ZNF7: variants seen among roughly 807,000 people sequenced by gnomAD.
ZNF7 encodes zinc finger protein 7.
Under a neutral mutation model 12.0 loss-of-function variants are expected in ZNF7, and 10 were observed. The ratio of observed to expected loss-of-function variants is 0.83; its 90% CI spans 0.51 to 1.42. The LOEUF is 1.42. Ranked by LOEUF, ZNF7 falls within the 40% of genes most tolerant of loss-of-function variation. ZNF7 has a pLI of 0.00. For missense variants in ZNF7, 854 were observed against 837.2 expected (o/e 1.02, Z -0.25); for synonymous variants, 334 against 295.0 (o/e 1.13, Z -1.35).
At chr8:144,827,709 T>C (rs1586779962) in intron 1 of ZNF7, 100 bp downstream of exon 1, 2 of 978,724 alleles carry the variant, frequency 2.0e-6, no homozygotes, top group East Asian at 2.3e-4. Flanking sequence ...GGTCCCCGCG[T>C]CCCCCGGGCC....
rs767842674 is a variant in ZNF7 at position 144,841,440 on chromosome 8, C to T, written c.333C>T (p.Ile111=). 8.7e-6 allele frequency: 14 copies of T among 1,614,234 alleles called. No individual in the cohort carries two copies. In the Admixed American group the frequency reaches 2.3e-4, roughly 27 times the overall value. ...AATCCTATGGGACAGTGGTCAGAATCTCCCCACAGGACTTTCCTCAGAATC... is the reference window on the plus strand; with the variant it reads ...AATCCTATGGGACAGTGGTCAGAATTTCCCCACAGGACTTTCCTCAGAATC... ...KSESYGTVVR[I]SPQDFPQNPG... The change falls in exon 5 of 5, where the codon ATC becomes ATT. Residue 111 remains isoleucine, a synonymous_variant. Transcript: ENST00000532777.
At chr8:144,831,074 G>A (rs909453475) in intron 3 of ZNF7, 11 of 455,410 alleles carry the variant, frequency 2.4e-5, no homozygotes, top group African/African-American at 2.2e-4. Context: ...CTTGGTGCTT[G>A]AGCTTTCTTG....
intron 3 of ZNF7, chr8:144,833,703 G>T (rs1828698333): frequency 6.6e-6 from 1 of 151,796 alleles, no homozygotes; most frequent in Non-Finnish European, 1.5e-5. Context: ...TTTATTTTGG[G>T]GTGGTTTTTG....
intron 2 of ZNF7, 45 bp downstream of exon 2, chr8:144,829,135 G>A: frequency 6.2e-7 from 1 of 1,612,694 alleles, no homozygotes. Flanking sequence ...TCCTGTGAAG[G>A]CCCACCTCCT....
Position 144,842,570 on chromosome 8 carries a change from A to T in ZNF7, c.1463A>T (p.Gln488Leu). ...CAGGGCTCACACCTTATTCAGCATC[A>T]GCGAATCCACACTGGAGAGAAACCC... ...FVQGSHLIQH[Q>L]RIHTGEKPYV... Residue 488 changes from glutamine (Q) to leucine (L), a missense_variant, in exon 5 of 5, where the codon CAG becomes CTG. Coordinates refer to ENST00000532777, the MANE Select transcript of ZNF7 (RefSeq NM_003416.4). 1 of 1,614,208 alleles carries T rather than the reference A, an allele frequency of 6.2e-7. No homozygotes were observed. Among genetic ancestry groups the T allele is most frequent in the Non-Finnish European group, 8.5e-7 (1 of 1,180,022 alleles).
downstream of ZNF7, among the ~76,000 whole-genome samples, chr8:144,845,672 C>T (rs1188853973): frequency 6.6e-6 from 1 of 152,184 alleles, no homozygotes; most frequent in African/African-American, 2.4e-5. Flanking sequence ...CTCCACAGTC[C>T]TTGTCATTCA....
chr8:144,842,147 C>T lies in ZNF7; in HGVS notation c.1040C>T (p.Ser347Leu), dbSNP rs2228180. ...TGTGGGAAAGCCTTCAGCCAGCAGT[C>T]GCAGCTGGTTAGACACCAGAGAACT... is the stretch of plus-strand genomic sequence containing the variant. ...RECGKAFSQQ[S>L]QLVRHQRTHT... Residue 347 changes from serine to leucine, a missense_variant, in exon 5 of 5, where the codon TCG becomes TTG. Physicochemically the swap from Ser to Leu is moderately radical, Grantham distance 145 (BLOSUM62 -2). Coordinates refer to ENST00000532777, the MANE Select transcript of ZNF7 (RefSeq NM_003416.4). 5.8e-5 allele frequency: 94 copies of T among 1,614,006 alleles called. No individual in the cohort carries two copies. The highest frequency in any genetic ancestry group is 7.5e-5 in the Non-Finnish European group (88 of 1,180,014).
rs763990746 is a variant in ZNF7 at position 144,842,730 on chromosome 8, A to G, written c.1623A>G (p.Thr541=). ...CCTTCAGTATGAGCACACAGCTTAC[A>G]ATACATCAAAGGGTTCACACTGGAG... is the stretch of plus-strand genomic sequence containing the variant. The part of the protein sequence containing the change: ...GKAFSMSTQL[T]IHQRVHTGER... The change falls in exon 5 of 5, where the codon ACA becomes ACG. Residue 541 remains threonine, a synonymous_variant. Coordinates refer to ENST00000532777, the MANE Select transcript of ZNF7 (RefSeq NM_003416.4). 5 of 1,613,874 alleles carry G rather than the reference A, an allele frequency of 3.1e-6. No homozygotes were observed. In the Admixed American group the frequency reaches 5.0e-5, roughly 16 times the overall value.
At position 144,841,677 on chromosome 8, in the gene ZNF7, T is replaced by G. The variant is rs774803769; in HGVS notation, c.570T>G (p.Ser190Arg). The G allele has an allele frequency of 1.2e-6, 2 of 1,613,748 alleles. No homozygotes were observed. Among genetic ancestry groups the G allele is most frequent in the Non-Finnish European group, 1.7e-6 (2 of 1,179,920 alleles). Residue 190 changes from serine (S) to arginine (R), a missense_variant, in exon 5 of 5, where the codon AGT becomes AGG. By Grantham distance (110) the Ser-to-Arg change is moderately radical (BLOSUM62 -1). Transcript: ENST00000532777. ...AGCCTCTTGAAAGTCAGGGAGAGAG[T>G]GCGGAAGGGATGTCCCAGAGATGCG... ...DCQPLESQGE[S>R]AEGMSQRCEE...
intron 1 of ZNF7, 102 bp from the exon 2 acceptor site, chr8:144,828,939 CTG>C: frequency 1.4e-6 from 2 of 1,441,720 alleles, no homozygotes; most frequent in Non-Finnish European, 1.9e-6. Context: ...CTAGAGAAAT[CTG>C]GGGCTGGAGG....
intron 4 of ZNF7, chr8:144,838,223 C>T (rs1202511514): frequency 5.8e-6 from 4 of 690,226 alleles, no homozygotes; most frequent in African/African-American, 5.3e-5. Flanking sequence ...ATGTGGCCAT[C>T]TCCTTAGAAG....
In ZNF7 at chr8:144,843,058, A is replaced by G; in HGVS notation, c.1951A>G (p.Ile651Val). The G allele has an allele frequency of 6.2e-7, 1 of 1,614,134 alleles. No individual in the cohort carries two copies. Among genetic ancestry groups the G allele is most frequent in the African/African-American group, 1.3e-5 (1 of 75,064 alleles). ...KIFRWRSHLI[I>V]HQRIHTGEKP... ...ATTTAGGTGGCGTTCACACCTAATT[A>G]TACACCAGAGAATTCACACCGGGGA... is the stretch of plus-strand genomic sequence containing the variant. Residue 651 changes from isoleucine (I) to valine (V), a missense_variant, in exon 5 of 5, where the codon ATA becomes GTA. Coordinates refer to ENST00000532777, the MANE Select transcript of ZNF7 (RefSeq NM_003416.4).
chr8:144,846,369 A>G, downstream of ZNF7: 1 of 599,890 alleles, frequency 1.7e-6, no homozygotes, highest in African/African-American at 1.8e-5. Flanking sequence ...GGAGAAAATA[A>G]GAGACTTGTG....
intron 4 of ZNF7, 116 bp from the exon 5 acceptor site, chr8:144,841,239 T>C: frequency 1.9e-6 from 2 of 1,067,320 alleles, no homozygotes; most frequent in Non-Finnish European, 2.7e-6. Context: ...ACCTGGGGCC[T>C]CACAGTGCTC....
At chr8:144,833,698 T>A (rs1461930844) in intron 3 of ZNF7, 1 of 151,528 alleles carries the variant, frequency 6.6e-6, no homozygotes, top group Non-Finnish European at 1.5e-5. Context: ...TGTTTTTTAT[T>A]TTGGGGTGGT....
downstream of ZNF7, chr8:144,846,310 T>A: frequency 1.1e-6 from 1 of 899,004 alleles, no homozygotes; most frequent in Non-Finnish European, 1.6e-6. Context: ...TGGTCCTAAG[T>A]CAGGGGCTGG....
downstream of ZNF7, among the ~76,000 whole-genome samples, chr8:144,845,485 T>C (rs1179468782): frequency 6.6e-6 from 1 of 152,174 alleles, no homozygotes; most frequent in Non-Finnish European, 1.5e-5. Context: ...GCGTGGCTGA[T>C]GGCAGGTGGC....
chr8:144,828,424 TCCAACCTCCAGTCGCTCACTGCCTTCC>T (rs576994265), intron 1 of ZNF7, among the ~76,000 whole-genome samples: 4,170 of 152,044 alleles, frequency 0.027, 83 homozygotes, highest in Non-Finnish European at 0.043. Flanking sequence ...TCCTGCCTTC[TCCAACCTCCAGTCGCTCACTGCCTTCC>T]CCAACCTCCA....
chr8:144,837,939 C>T (rs1195863727), intron 4 of ZNF7: 3 of 637,932 alleles, frequency 4.7e-6, no homozygotes, highest in East Asian at 2.7e-5. Flanking sequence ...GCATTACTTT[C>T]CTGTGGCTGC....
Sources: allele counts gnomAD v4.1 joint callset (sites outside exome capture counted in the v4.1 genomes callset), GRCh38; gene constraint gnomAD v4.1.1; transcripts MANE v1.5; gene names NCBI Gene and HGNC (gene_info 2026-07-23, HGNC 2026-07-21).